XRCC4: variants seen among roughly 807,000 people sequenced by gnomAD.
XRCC4 encodes X-ray repair cross complementing 4, also known as DNA repair protein XRCC4.
In XRCC4, 28 loss-of-function variants were observed where a neutral mutation model predicts 39.1. The observed-to-expected ratio is 0.72, with a 90% CI of 0.53 to 0.98. The LOEUF is 0.98. Among genes scored for constraint, XRCC4 ranks in the 50% least tolerant of loss-of-function variants. The pLI, the probability that XRCC4 is intolerant of heterozygous loss-of-function variation, is 0.00. For missense variants in XRCC4, 350 were observed against 376.4 expected, an observed-to-expected ratio of 0.93 and a Z score of 0.58; for synonymous variants, 123 against 126.4, an observed-to-expected ratio of 0.97 and a Z score of 0.18.
chr5:83,234,314 A>G (rs1054986855), intron 6 of XRCC4, among the ~76,000 whole-genome samples: 1 of 152,172 alleles, frequency 6.6e-6, no homozygotes, highest in African/African-American at 2.4e-5. Flanking sequence ...TGCTGAAATC[A>G]CAAGCTTTAT....
intron 5 of XRCC4, among the ~76,000 whole-genome samples, chr5:83,204,387 T>C (rs925548736): frequency 6.6e-6 from 1 of 152,126 alleles, no homozygotes; most frequent in Non-Finnish European, 1.5e-5. Flanking sequence ...CCTATTAGTT[T>C]ATAGCTTTGG....
intron 1 of XRCC4, among the ~76,000 whole-genome samples, chr5:83,096,602 C>G (rs1165076796): frequency 6.6e-6 from 1 of 152,128 alleles, no homozygotes; most frequent in Non-Finnish European, 1.5e-5. Flanking sequence ...TTTACAGCCT[C>G]CTACCTGAAT....
chr5:83,349,322 T>C (rs905288408), intron 7 of XRCC4, among the ~76,000 whole-genome samples: 1 of 152,008 alleles, frequency 6.6e-6, no homozygotes, highest in African/African-American at 2.4e-5. Context: ...AGCCAAACCA[T>C]ATCAACATTT....
chr5:83,266,728 T>G (rs916137263), intron 7 of XRCC4, among the ~76,000 whole-genome samples: 1 of 152,134 alleles, frequency 6.6e-6, no homozygotes. Flanking sequence ...CTAAACAATT[T>G]CTAAAACTTA....
chr5:83,349,147 A>G (rs1757006338), intron 7 of XRCC4, among the ~76,000 whole-genome samples: 1 of 152,016 alleles, frequency 6.6e-6, no homozygotes, highest in Admixed American at 6.6e-5. Flanking sequence ...TTGCTTCTAT[A>G]TTTTCAGATA....
At chr5:83,313,434 G>A (rs28360308) in intron 7 of XRCC4, among the ~76,000 whole-genome samples, 2,486 of 152,016 alleles carry the variant, frequency 0.016, 71 homozygotes, top group African/African-American at 0.057. Context: ...CATGTAACCA[G>A]TTTACTGCTG....
chr5:83,311,862 A>G (rs1755719903), intron 7 of XRCC4, among the ~76,000 whole-genome samples: 1 of 152,022 alleles, frequency 6.6e-6, no homozygotes, highest in African/African-American at 2.4e-5. Context: ...TCAATATAAT[A>G]TCAATAATTC....
intron 1 of XRCC4, among the ~76,000 whole-genome samples, chr5:83,080,001 G>C (rs1239767923): frequency 3.9e-5 from 6 of 152,208 alleles, no homozygotes; most frequent in African/African-American, 1.4e-4. Context: ...GTTATTACAA[G>C]TAAATCATCT....
At chr5:83,349,800 T>TTACA (rs1757026257) in intron 7 of XRCC4, among the ~76,000 whole-genome samples, 1 of 152,128 alleles carries the variant, frequency 6.6e-6, no homozygotes, top group Non-Finnish European at 1.5e-5. Context: ...GGGGTACATG[T>TTACA]GCGGGTTTGT....
intron 6 of XRCC4, among the ~76,000 whole-genome samples, chr5:83,237,503 A>G (rs1752735324): frequency 6.6e-6 from 1 of 151,828 alleles, no homozygotes; most frequent in Non-Finnish European, 1.5e-5. Flanking sequence ...TGTGGGAGCT[A>G]AAAAAAATGC....
At chr5:83,094,590 T>C (rs1389141683) in intron 1 of XRCC4, among the ~76,000 whole-genome samples, 1 of 151,930 alleles carries the variant, frequency 6.6e-6, no homozygotes, top group African/African-American at 2.4e-5. Context: ...TATTCATTTT[T>C]TAATTGTTTC....
chr5:83,330,178 G>A (rs1756392655), intron 7 of XRCC4, among the ~76,000 whole-genome samples: 1 of 151,872 alleles, frequency 6.6e-6, no homozygotes, highest in South Asian at 2.1e-4. Flanking sequence ...GGCAATATGA[G>A]GTATTGAAGA....
intron 1 of XRCC4, among the ~76,000 whole-genome samples, chr5:83,080,828 CTT>C (rs2112273182): frequency 6.6e-6 from 1 of 152,116 alleles, no homozygotes; most frequent in African/African-American, 2.4e-5. Context: ...TAAAGTGCCT[CTT>C]TTAAGCAAAA....
chr5:83,350,232 A>G (rs1032253026), intron 7 of XRCC4, among the ~76,000 whole-genome samples: 10 of 152,136 alleles, frequency 6.6e-5, no homozygotes, highest in Admixed American at 5.2e-4. Context: ...ATGCCAGTGC[A>G]TGTGTCTTTT....
intron 3 of XRCC4, among the ~76,000 whole-genome samples, chr5:83,157,738 T>G (rs1216122483): frequency 6.6e-6 from 1 of 151,538 alleles, no homozygotes; most frequent in Non-Finnish European, 1.5e-5. Context: ...GGAAGTAAAA[T>G]TAAAATAAAA....
intron 7 of XRCC4, among the ~76,000 whole-genome samples, chr5:83,268,057 A>G (rs1038660795): frequency 6.6e-6 from 1 of 152,196 alleles, no homozygotes; most frequent in African/African-American, 2.4e-5. Flanking sequence ...GAAACCATAT[A>G]TTGGATGGAA....
intron 1 of XRCC4, among the ~76,000 whole-genome samples, chr5:83,088,485 A>G (rs1387800874): frequency 6.6e-6 from 1 of 152,134 alleles, no homozygotes; most frequent in East Asian, 1.9e-4. Flanking sequence ...TCAGTTCGTT[A>G]TTTCAACTTA....
intron 7 of XRCC4, among the ~76,000 whole-genome samples, chr5:83,347,742 C>A (rs906775282): frequency 6.6e-5 from 10 of 152,120 alleles, no homozygotes; most frequent in Admixed American, 3.9e-4. Context: ...AAGAGTCCCC[C>A]AAAATCTTAA....
intron 3 of XRCC4, among the ~76,000 whole-genome samples, chr5:83,124,971 T>C (rs951466304): frequency 1.3e-5 from 2 of 152,170 alleles, no homozygotes; most frequent in Admixed American, 1.3e-4. Context: ...CAGAAATATA[T>C]AAGATCTACA....
Sources: allele counts gnomAD v4.1 joint callset (sites outside exome capture counted in the v4.1 genomes callset), GRCh38; gene constraint gnomAD v4.1.1; transcripts MANE v1.5; gene names NCBI Gene and HGNC (gene_info 2026-07-23, HGNC 2026-07-21).